PDXK: variants seen among roughly 807,000 people sequenced by gnomAD.
The protein encoded by PDXK is epididymis secretory sperm binding protein Li 1a.
PDXK carries 15 observed loss-of-function variants against 43.2 expected under a neutral mutation model. The ratio of observed to expected loss-of-function variants is 0.35; its 90% CI spans 0.23 to 0.53. PDXK has a LOEUF of 0.53. Among genes scored for constraint, PDXK ranks in the 20% least tolerant of loss-of-function variants. The probability of loss-of-function intolerance (pLI) is 0.92; values close to 1 mark genes in which losing one functional copy is unlikely to be tolerated. For missense variants in PDXK, 343 were observed against 417.0 expected (o/e 0.82, Z 1.54); for synonymous variants, 172 against 165.4 (o/e 1.04, Z -0.31).
intron 6 of PDXK, among the ~76,000 whole-genome samples, chr21:43,749,712 A>G (rs1426169312): frequency 3.3e-5 from 5 of 151,640 alleles, no homozygotes; most frequent in African/African-American, 7.3e-5. Flanking sequence ...GGCCCCTGGG[A>G]GAGGAAGAGG....
rs773822540 is a variant in PDXK at position 43,752,582 on chromosome 21, C to T, written c.575C>T (p.Ser192Phe). ...GTCATCACCAGCTCCGACCTGCCCT[C>T]CCCGCAGGGCAGCAACTACCTGATT... ...TVVITSSDLP[S>F]PQGSNYLIVL... is the part of the protein sequence containing the mutation. The change falls in exon 8 of 11, where the codon TCC (serine) becomes TTC (phenylalanine). Residue 192 changes from serine to phenylalanine, a missense_variant. By Grantham distance (155) the Ser-to-Phe change is radical. Transcript: ENST00000291565. The T allele has an allele frequency of 1.2e-6, 2 of 1,612,880 alleles. No individual in the cohort carries two copies. The highest frequency in any genetic ancestry group is 3.3e-5 in the Admixed American group (2 of 60,020).
intron 7 of PDXK, among the ~76,000 whole-genome samples, chr21:43,751,576 A>G (rs1015665414): frequency 5.3e-5 from 8 of 152,228 alleles, no homozygotes; most frequent in Non-Finnish European, 1.2e-4. Context: ...AAACAAAACA[A>G]AACAGAACTT....
At chr21:43,751,961 A>G (rs950290684) in intron 7 of PDXK, among the ~76,000 whole-genome samples, 5 of 152,124 alleles carry the variant, frequency 3.3e-5, no homozygotes, top group African/African-American at 1.2e-4. Flanking sequence ...GGTCCTGAGA[A>G]TGGGCCACTG....
chr21:43,743,721 A>G lies in PDXK; in HGVS notation c.248-3A>G, dbSNP rs1310662837. ...GAGGGTGACCTGGATTCTCCCCCTAAAGGTTATACGAGGGACAAGTCGTTC... is the reference window on the plus strand; with the variant it reads ...GAGGGTGACCTGGATTCTCCCCCTAGAGGTTATACGAGGGACAAGTCGTTC... On this transcript the variant is annotated splice_region_variant and splice_polypyrimidine_tract_variant and intron_variant, in intron 3 of 10. Coordinates refer to ENST00000291565, the MANE Select transcript of PDXK (RefSeq NM_003681.5). 1 of 1,608,424 alleles carries G rather than the reference A, an allele frequency of 6.2e-7. No individual in the cohort carries two copies. The highest frequency in any genetic ancestry group is 8.5e-7 in the Non-Finnish European group (1 of 1,175,124).
chr21:43,728,596 G>GCTGTCTGC (rs888289637), intron 1 of PDXK: 22 of 449,030 alleles, frequency 4.9e-5, no homozygotes, highest in Non-Finnish European at 6.2e-5. Context: ...GTAGTGTCTG[G>GCTGTCTGC]CTGTCTGCCT....
At position 43,750,506 on chromosome 21, in the gene PDXK, G is replaced by A. The variant is rs1480624300; in HGVS notation, c.471G>A (p.Leu157=). 3 of 1,612,532 alleles carry A rather than the reference G, an allele frequency of 1.9e-6. No individual in the cohort carries two copies. The African/African-American group carries it at 4.0e-5, about 22-fold the overall frequency. The change falls in exon 7 of 11, where the codon CTG becomes CTA. Residue 157 remains leucine, a synonymous_variant. Transcript: ENST00000291565. ...ITPNQFEAEL[L]SGRKIHSQEE... ...GTCCCCGCCTGTCTTCCAGGTTACT[G>A]AGTGGCCGGAAGATCCACAGCCAGG... is the stretch of plus-strand genomic sequence containing the variant.
Position 43,734,182 on chromosome 21 carries a change from G to A in PDXK, c.142+59G>A, listed in dbSNP as rs1482527962. The A allele has an allele frequency of 1.5e-5, 22 of 1,455,614 alleles. No homozygotes were observed. Among genetic ancestry groups the A allele is most frequent in the East Asian group, 4.5e-5 (2 of 44,202 alleles). 90.2% of individuals were successfully genotyped at this position (1,455,614 alleles called of 1,614,324 possible). A position where few individuals can be genotyped will look rare whatever the true frequency, so the allele number is the denominator to read the frequency against. ...AGACTGTGGGTGTGAGGGACGGGGC[G>A]GAGTGTGGGTGTGAGGGACGGGGCG... On this transcript the variant is annotated intron_variant, in intron 2 of 10. Transcript: ENST00000291565. The surrounding 1 kb of genome is among the most constrained non-coding windows in gnomAD (Gnocchi z 5.0).
intron 7 of PDXK, among the ~76,000 whole-genome samples, chr21:43,752,263 G>A (rs2083766356): frequency 6.6e-6 from 1 of 152,252 alleles, no homozygotes; most frequent in Non-Finnish European, 1.5e-5. Context: ...CCCCCAAGGG[G>A]GAGGCCCTCG....
At chr21:43,739,590 G>A (rs1358196550) in intron 2 of PDXK, among the ~76,000 whole-genome samples, 2 of 148,680 alleles carry the variant, frequency 1.3e-5, no homozygotes, top group Admixed American at 6.7e-5. Flanking sequence ...AGGGGCCCAG[G>A]GTTTTAAAAG....
intron 8 of PDXK, among the ~76,000 whole-genome samples, chr21:43,753,187 T>A (rs59255746): frequency 0.12 from 18,956 of 151,796 alleles, 1,377 homozygotes; most frequent in South Asian, 0.23. Context: ...CATGCACACA[T>A]ACACACGGGC....
chr21:43,732,683 A>T lies in PDXK; in HGVS notation c.88-1386A>T, dbSNP rs769142113. 6.5e-6 allele frequency: 5 copies of T among 774,494 alleles called. No homozygotes were observed. The highest frequency in any genetic ancestry group is 2.3e-4 in the Middle Eastern group (1 of 4,428). The allele number at this position is 774,494 out of a possible 1,614,324, so 48.0% of individuals were successfully genotyped here. The stretch of plus-strand genomic sequence containing the variant: ...TAAAGGATTTGAAATACTGCAAGCT[A>T]TCTGTGTATAGAGGCTGTGGATTCG... On this transcript the variant is annotated intron_variant, in intron 1 of 10. Coordinates refer to ENST00000291565, the MANE Select transcript of PDXK (RefSeq NM_003681.5). This position sits in a 1 kb window ranked among gnomAD's most constrained non-coding sequence, Gnocchi z 4.1.
At chr21:43,726,581 G>A (rs894527116) in intron 1 of PDXK, among the ~76,000 whole-genome samples, 1 of 152,032 alleles carries the variant, frequency 6.6e-6, no homozygotes, top group East Asian at 1.9e-4. Flanking sequence ...GCCAATTTTT[G>A]TATTTTGGTA....
At chr21:43,729,492 C>T (rs1469220538) in intron 1 of PDXK, among the ~76,000 whole-genome samples, 1 of 152,142 alleles carries the variant, frequency 6.6e-6, no homozygotes, top group African/African-American at 2.4e-5. Flanking sequence ...GAGTGGTGGG[C>T]GACCCAGCAG....
intron 7 of PDXK, among the ~76,000 whole-genome samples, chr21:43,752,137 G>A (rs1434317867): frequency 6.6e-6 from 1 of 152,106 alleles, no homozygotes; most frequent in Non-Finnish European, 1.5e-5. Context: ...GCGCGCGCGT[G>A]CTGCCCGATC....
At position 43,735,903 on chromosome 21, in the gene PDXK, C is replaced by T. The variant is rs529285810; in HGVS notation, c.142+1780C>T. Among the ~76,000 whole-genome samples the T allele has an allele frequency of 1.4e-4, 21 of 152,312 alleles. No homozygotes were observed. Among genetic ancestry groups the T allele is most frequent in the Admixed American group, 4.6e-4 (7 of 15,300 alleles). On this transcript the variant is annotated intron_variant, in intron 2 of 10. Coordinates refer to ENST00000291565, the MANE Select transcript of PDXK (RefSeq NM_003681.5). This position sits in a 1 kb window ranked among gnomAD's most constrained non-coding sequence, Gnocchi z 5.3. The stretch of plus-strand genomic sequence containing the variant: ...TGCTCCCCTTCCCTCGCCCCTGCCA[C>T]ACTGTGCTGCTGGGGAGTGAGGCTG...
At chr21:43,741,936 G>C (rs2083541383) in intron 3 of PDXK, among the ~76,000 whole-genome samples, 165 bp downstream of exon 3, 1 of 152,066 alleles carries the variant, frequency 6.6e-6, no homozygotes, top group African/African-American at 2.4e-5. Context: ...GGTAGCCTGG[G>C]GGGTCCTGGC....
chr21:43,739,091 G>A (rs1055423722), intron 2 of PDXK, among the ~76,000 whole-genome samples: 4 of 152,018 alleles, frequency 2.6e-5, no homozygotes, highest in East Asian at 1.9e-4. Context: ...CCGCAACCAC[G>A]CCCGGCTAAT....
chr21:43,730,278 A>G (rs1466073666), intron 1 of PDXK, among the ~76,000 whole-genome samples: 1 of 152,054 alleles, frequency 6.6e-6, no homozygotes, highest in African/African-American at 2.4e-5. Context: ...GGCACGAGCC[A>G]CTACACCCGG....
chr21:43,722,673 A>T (rs1483232302), intron 1 of PDXK, among the ~76,000 whole-genome samples: 2 of 151,518 alleles, frequency 1.3e-5, no homozygotes, highest in Non-Finnish European at 2.9e-5. Flanking sequence ...CGGTGGCCCC[A>T]GGCTTCTGGG....
Sources: allele counts gnomAD v4.1 joint callset (sites outside exome capture counted in the v4.1 genomes callset), GRCh38; gene constraint gnomAD v4.1.1; non-coding constraint Gnocchi (gnomAD v3.1); transcripts MANE v1.5; gene names NCBI Gene and HGNC (gene_info 2026-07-23, HGNC 2026-07-21).